Variants in WNK3 observed in about 807,000 individuals in gnomAD.
WNK3 encodes the protein serine/threonine-protein kinase WNK3.
Under a neutral mutation model 116.7 loss-of-function variants are expected in WNK3, and 18 were observed. The ratio of observed to expected loss-of-function variants is 0.15; its 90% CI spans 0.11 to 0.23. The LOEUF (loss-of-function observed/expected upper bound fraction) is 0.23. Among genes scored for constraint, WNK3 ranks in the 10% least tolerant of loss-of-function variants. The pLI, the probability that WNK3 is intolerant of heterozygous loss-of-function variation, is 1.00. For missense variants in WNK3, 993 were observed against 1,323.8 expected, an observed-to-expected ratio of 0.75 and a Z score of 3.88; for synonymous variants, 404 against 469.4, an observed-to-expected ratio of 0.86 and a Z score of 1.80.
chrX:54,300,340 G>C (rs2068744987), intron 6 of WNK3, among the ~76,000 whole-genome samples: 1 of 110,150 alleles, frequency 9.1e-6, no homozygotes, highest in African/African-American at 3.3e-5. Flanking sequence ...TTAATATTTT[G>C]TAGAGACAAG....
chrX:54,343,668 CT>C (rs1374715507), intron 1 of WNK3: 14 of 105,341 alleles, frequency 1.3e-4, no homozygotes, highest in East Asian at 2.9e-4. Flanking sequence ...CCAATATCCA[CT>C]TTTTTTTTTT....
Position 54,304,671 on chromosome X carries a change from T to C in WNK3, c.1090-2812A>G, listed in dbSNP as rs2068803908. On this transcript the variant is annotated intron_variant, in intron 5 of 23. Coordinates refer to ENST00000354646, the Ensembl canonical transcript of WNK3. ...CTAAATGATGTCTTTTTACAGTTGG[T>C]TTGTTCAAATCAGGATCCAAACAAG... 2.7e-5 allele frequency among the ~76,000 whole-genome samples: 3 copies of C among 111,778 alleles called. No individual in the cohort carries two copies. The South Asian group carries it at 1.1e-3, about 42-fold the overall frequency.
Position 54,293,121 on chromosome X carries a change from C to T in WNK3, c.1887+13G>A. The T allele has an allele frequency of 2.5e-6, 3 of 1,189,907 alleles. No individual in the cohort carries two copies. Among genetic ancestry groups the T allele is most frequent in the Non-Finnish European group, 3.4e-6 (3 of 884,312 alleles). On this transcript the variant is annotated intron_variant, in intron 9 of 23. Coordinates refer to ENST00000354646, the Ensembl canonical transcript of WNK3. ...ACTGATTATATATTTAAAAATATAA[C>T]AGTTCACCTCACCCCTGAAACTTGC... is the stretch of plus-strand genomic sequence containing the variant.
intron 22 of WNK3, among the ~76,000 whole-genome samples, chrX:54,206,515 C>T (rs145737608): frequency 3.4e-3 from 381 of 112,115 alleles, no homozygotes; most frequent in African/African-American, 9.3e-3. Context: ...TTTTTCCAAA[C>T]CACTCAAACT....
chrX:54,200,775 G>A (rs1175048531), intron 23 of WNK3, among the ~76,000 whole-genome samples: 1 of 111,345 alleles, frequency 9.0e-6, no homozygotes, highest in Non-Finnish European at 1.9e-5. Flanking sequence ...ACAGTACTCA[G>A]AGGTTCTCTC....
intron 10 of WNK3, among the ~76,000 whole-genome samples, chrX:54,283,776 A>AC (rs1320043625): frequency 9.3e-6 from 1 of 107,298 alleles, no homozygotes; most frequent in Non-Finnish European, 1.9e-5. Flanking sequence ...CAAAAAAAAA[A>AC]AAAAAAAAAA....
At chrX:54,345,566 C>T (rs2069410982) in intron 1 of WNK3, among the ~76,000 whole-genome samples, 1 of 109,773 alleles carries the variant, frequency 9.1e-6, no homozygotes, top group African/African-American at 3.3e-5. Context: ...TTTCCTATCC[C>T]AGATCCTTAG....
intron 21 of WNK3, among the ~76,000 whole-genome samples, chrX:54,232,421 C>A (rs1391480869): frequency 9.0e-6 from 1 of 111,496 alleles, no homozygotes; most frequent in Non-Finnish European, 1.9e-5. Context: ...GGATTACAGG[C>A]GTGAGCCACT....
At chrX:54,270,439 T>C (rs1557159000) in intron 10 of WNK3, among the ~76,000 whole-genome samples, 1 of 103,915 alleles carries the variant, frequency 9.6e-6, no homozygotes, top group Non-Finnish European at 2.0e-5. Flanking sequence ...AGTTTCTTTC[T>C]TGTTGCCCAG....
chrX:54,283,121 T>C (rs1223171572), intron 10 of WNK3, among the ~76,000 whole-genome samples: 1 of 110,948 alleles, frequency 9.0e-6, no homozygotes, highest in Non-Finnish European at 1.9e-5. Flanking sequence ...AACTCAACAA[T>C]AAAAAGACAA....
chrX:54,281,792 ATG>A (rs1365515228), intron 10 of WNK3, among the ~76,000 whole-genome samples: 1 of 110,757 alleles, frequency 9.0e-6, no homozygotes, highest in Non-Finnish European at 1.9e-5. Flanking sequence ...CCTTCTTTGT[ATG>A]TGTGTGTATA....
chrX:54,275,144 C>T (rs971151613), intron 10 of WNK3, among the ~76,000 whole-genome samples: 3 of 109,488 alleles, frequency 2.7e-5, no homozygotes, highest in Admixed American at 9.9e-5. Flanking sequence ...GGTGAAACCT[C>T]GTCTCTACTA....
At chrX:54,263,979 G>T (rs5915093) in intron 10 of WNK3, among the ~76,000 whole-genome samples, 2 of 105,469 alleles carry the variant, frequency 1.9e-5, no homozygotes, top group Non-Finnish European at 1.9e-5. Context: ...GATTCTCCCA[G>T]TTCAGCCTCC....
intron 22 of WNK3, among the ~76,000 whole-genome samples, chrX:54,211,664 C>T (rs782375589): frequency 5.5e-5 from 6 of 109,470 alleles, no homozygotes; most frequent in South Asian, 4.0e-4. Flanking sequence ...ATTAGCCGGG[C>T]GTGGTGGCGG....
chrX:54,275,293 G>A (rs2068430509), intron 10 of WNK3, among the ~76,000 whole-genome samples: 1 of 110,516 alleles, frequency 9.0e-6, no homozygotes, highest in Admixed American at 9.8e-5. Flanking sequence ...TCCAGCCTGG[G>A]CGAGAGAGTG....
intron 6 of WNK3, among the ~76,000 whole-genome samples, chrX:54,301,287 C>T (rs1557167431): frequency 9.9e-6 from 1 of 101,359 alleles, no homozygotes; most frequent in Non-Finnish European, 2.0e-5. Flanking sequence ...AGAAATAAAA[C>T]CTAAAGGGAG....
At chrX:54,249,673 G>A (rs782525716) in intron 16 of WNK3, 39 bp from the exon 17 acceptor site, 8 of 1,127,955 alleles carry the variant, frequency 7.1e-6, no homozygotes, top group East Asian at 6.0e-5. Context: ...ACGTACTGAC[G>A]AGTACAAAGC....
exon 24 of WNK3, chrX:54,197,952 T>TAA (rs782069866): frequency 1.1e-4 from 10 of 87,192 alleles, no homozygotes; most frequent in East Asian, 3.5e-4. Flanking sequence ...TAGCAGCAGT[T>TAA]AAAAAAAAAA....
intron 10 of WNK3, among the ~76,000 whole-genome samples, chrX:54,289,014 T>C (rs782659809): frequency 5.4e-5 from 6 of 112,044 alleles, no homozygotes; most frequent in Admixed American, 4.8e-4. Context: ...CTAAATAAGA[T>C]ACATGCTCAA....
Sources: allele counts gnomAD v4.1 joint callset (sites outside exome capture counted in the v4.1 genomes callset), GRCh38; gene constraint gnomAD v4.1.1; transcripts MANE v1.5; gene names NCBI Gene and HGNC (gene_info 2026-07-23, HGNC 2026-07-21).